The following LRP1B variants were observed in gnomAD, a reference collection of about 807,000 sequenced individuals.
The protein encoded by LRP1B is low-density lipoprotein receptor-related protein 1B.
A neutral mutation model predicts 556.6 loss-of-function variants in LRP1B; 217 were observed. The ratio of observed to expected loss-of-function variants is 0.39; its 90% CI spans 0.35 to 0.44. LRP1B has a LOEUF of 0.44. LRP1B is among the 20% of genes least tolerant of loss of function. LRP1B has a pLI of 1.00. For missense variants in LRP1B, 5,053 were observed against 5,620.8 expected (o/e 0.90, Z 3.23); for synonymous variants, 2,047 against 1,865.8 (o/e 1.10, Z -2.50).
At chr2:142,118,616 A>T (rs375001065) in intron 1 of LRP1B, among the ~76,000 whole-genome samples, 2 of 152,302 alleles carry the variant, frequency 1.3e-5, no homozygotes, top group African/African-American at 4.8e-5. Context: ...TTATGAAAGA[A>T]AAAAGCCCTT....
At chr2:141,900,862 A>T (rs1159365177) in intron 1 of LRP1B, among the ~76,000 whole-genome samples, 3 of 151,894 alleles carry the variant, frequency 2.0e-5, no homozygotes, top group Admixed American at 2.0e-4. Context: ...AAATTTGAGC[A>T]CTCCATCTGT....
chr2:140,656,302 C>T (rs748379508), intron 41 of LRP1B, among the ~76,000 whole-genome samples: 6 of 152,120 alleles, frequency 3.9e-5, no homozygotes, highest in Non-Finnish European at 8.8e-5. Context: ...AAGGGATGTA[C>T]TAATTCTAAC....
chr2:140,825,969 T>G (rs1222010368), intron 31 of LRP1B, among the ~76,000 whole-genome samples: 2 of 152,204 alleles, frequency 1.3e-5, no homozygotes, highest in African/African-American at 4.8e-5. Flanking sequence ...CTGCAATCAG[T>G]TGACTTTAAG....
At chr2:140,429,284 T>C (rs1233990480) in intron 66 of LRP1B, among the ~76,000 whole-genome samples, 1 of 152,208 alleles carries the variant, frequency 6.6e-6, no homozygotes. Context: ...ATCTGTGCCT[T>C]ATCAACCAAA....
intron 1 of LRP1B, among the ~76,000 whole-genome samples, chr2:142,062,411 C>T (rs1419921975): frequency 6.6e-6 from 1 of 151,686 alleles, no homozygotes. Context: ...ACCATGAAGC[C>T]TGCCAATCAA....
intron 86 of LRP1B, among the ~76,000 whole-genome samples, chr2:140,248,007 C>T (rs1412531008): frequency 2.0e-5 from 3 of 151,398 alleles, no homozygotes; most frequent in East Asian, 2.0e-4. Flanking sequence ...CAAATACCAC[C>T]ATATCAAGAA....
chr2:140,346,117 GTTA>G (rs1349691115), intron 77 of LRP1B, among the ~76,000 whole-genome samples: 3 of 151,142 alleles, frequency 2.0e-5, no homozygotes, highest in South Asian at 2.1e-4. Flanking sequence ...TTCCAGTTCT[GTTA>G]TTATTATTAT....
At chr2:141,210,376 T>TTTATC (rs397824299) in intron 6 of LRP1B, among the ~76,000 whole-genome samples, 1 of 151,886 alleles carries the variant, frequency 6.6e-6, no homozygotes, top group Non-Finnish European at 1.5e-5. Context: ...CAGAAATTAT[T>TTTATC]AGGCTACTTG....
At chr2:142,039,003 CAA>C (rs1212459904) in intron 1 of LRP1B, among the ~76,000 whole-genome samples, 1 of 151,390 alleles carries the variant, frequency 6.6e-6, no homozygotes, top group African/African-American at 2.4e-5. Flanking sequence ...TTTCCTTGCT[CAA>C]GTTTTAAGTC....
chr2:141,688,600 T>C (rs1691398244), intron 2 of LRP1B, among the ~76,000 whole-genome samples: 1 of 151,768 alleles, frequency 6.6e-6, no homozygotes, highest in African/African-American at 2.4e-5. Flanking sequence ...CTAAAGAAAC[T>C]GAGGCCCAGA....
At chr2:140,917,022 T>C (rs1286968332) in intron 21 of LRP1B, among the ~76,000 whole-genome samples, 2 of 152,208 alleles carry the variant, frequency 1.3e-5, no homozygotes, top group Admixed American at 6.5e-5. Flanking sequence ...TGTCCTATTC[T>C]GGCCTATTTA....
intron 2 of LRP1B, among the ~76,000 whole-genome samples, chr2:141,751,718 A>G (rs1694121009): frequency 6.6e-6 from 1 of 152,018 alleles, no homozygotes; most frequent in Non-Finnish European, 1.5e-5. Context: ...ATTTATTCAA[A>G]GCTCATCTCA....
chr2:141,519,794 C>A lies in LRP1B; in HGVS notation c.206-39261G>T, dbSNP rs80109766. On this transcript the variant is annotated intron_variant, in intron 2 of 90. Coordinates refer to ENST00000389484, the MANE Select transcript of LRP1B (RefSeq NM_018557.3). ...GTAGGAAAAAAAGCGTTCTTTCTTGCCAGTAGCCTCATCTATAGGGCATCC... is the reference window on the plus strand; with the variant it reads ...GTAGGAAAAAAAGCGTTCTTTCTTGACAGTAGCCTCATCTATAGGGCATCC... Among the ~76,000 whole-genome samples the A allele has an allele frequency of 4.4e-3, 668 of 152,066 alleles. 8 individuals are homozygous for A. Among genetic ancestry groups the A allele is most frequent in the African/African-American group, 0.014 (596 of 41,512 alleles).
intron 2 of LRP1B, among the ~76,000 whole-genome samples, chr2:141,516,338 A>G (rs1275659660): frequency 6.6e-6 from 1 of 152,172 alleles, no homozygotes; most frequent in Non-Finnish European, 1.5e-5. Context: ...TCTCCTCTTT[A>G]TATACCTGAT....
intron 62 of LRP1B, among the ~76,000 whole-genome samples, chr2:140,455,284 T>C (rs1050169257): frequency 3.3e-5 from 5 of 152,184 alleles, no homozygotes; most frequent in Non-Finnish European, 7.4e-5. Flanking sequence ...TGGCTTGTGC[T>C]TTCAAAGAGC....
At chr2:140,428,776 T>C (rs1423171746) in intron 66 of LRP1B, among the ~76,000 whole-genome samples, 1 of 152,182 alleles carries the variant, frequency 6.6e-6, no homozygotes, top group East Asian at 1.9e-4. Context: ...TCCATAACTG[T>C]TGTGCGTATT....
At chr2:140,443,354 C>T (rs1686513259) in intron 65 of LRP1B, among the ~76,000 whole-genome samples, 1 of 152,182 alleles carries the variant, frequency 6.6e-6, no homozygotes, top group African/African-American at 2.4e-5. Context: ...AGCCACTGCA[C>T]CCGGCCTGTG....
chr2:141,067,276 T>A (rs1699504662), intron 7 of LRP1B, among the ~76,000 whole-genome samples: 1 of 152,006 alleles, frequency 6.6e-6, no homozygotes, highest in African/African-American at 2.4e-5. Context: ...GTCTTTGAAA[T>A]AAAAGGTTTA....
chr2:141,217,082 T>C (rs1682845492), intron 6 of LRP1B, among the ~76,000 whole-genome samples: 1 of 152,158 alleles, frequency 6.6e-6, no homozygotes, highest in South Asian at 2.1e-4. Flanking sequence ...AGAGGAATGA[T>C]GTAGTTCAAA....
Sources: gnomAD v4.1 joint callset for allele counts (sites outside exome capture counted in the v4.1 genomes callset) on GRCh38, gnomAD v4.1.1 for gene constraint, MANE v1.5 for transcripts, NCBI Gene and HGNC (gene_info 2026-07-23, HGNC 2026-07-21) for gene names.